Variants in ADAMTSL3 observed in about 807,000 individuals in gnomAD.
ADAMTSL3 encodes the protein ADAMTS like 3, also known as ADAMTS-like protein 3.
A neutral mutation model predicts 201.7 loss-of-function variants in ADAMTSL3; 128 were observed. The ratio of observed to expected loss-of-function variants is 0.63; its 90% CI spans 0.55 to 0.73. The LOEUF (loss-of-function observed/expected upper bound fraction) is 0.73, where lower values mean the gene tolerates loss of function less well. Among genes scored for constraint, ADAMTSL3 ranks in the 30% least tolerant of loss-of-function variants. The pLI is 0.00. For missense variants in ADAMTSL3, 1,990 were observed against 2,119.6 expected (o/e 0.94, Z 1.20); for synonymous variants, 738 against 748.4 (o/e 0.99, Z 0.23).
At chr15:83,799,131 C>T (rs2063479084) in intron 4 of ADAMTSL3, among the ~76,000 whole-genome samples, 2 of 152,204 alleles carry the variant, frequency 1.3e-5, no homozygotes, top group East Asian at 1.9e-4. Flanking sequence ...CTTATTAAGT[C>T]TTCATAAATA....
chr15:83,858,353 T>C (rs2064784455), intron 7 of ADAMTSL3, among the ~76,000 whole-genome samples: 1 of 152,302 alleles, frequency 6.6e-6, no homozygotes, highest in Non-Finnish European at 1.5e-5. Flanking sequence ...GCTTTACACA[T>C]AGTTTGTGAT....
At chr15:83,963,033 A>T (rs1335217466) in intron 19 of ADAMTSL3, among the ~76,000 whole-genome samples, 1 of 152,158 alleles carries the variant, frequency 6.6e-6, no homozygotes, top group Non-Finnish European at 1.5e-5. Context: ...AAACCAGGAG[A>T]TTCCCCCGGG....
At chr15:83,730,414 A>G (rs1232308702) in intron 3 of ADAMTSL3, among the ~76,000 whole-genome samples, 1 of 152,056 alleles carries the variant, frequency 6.6e-6, no homozygotes, top group Non-Finnish European at 1.5e-5. Flanking sequence ...AAAATTCCAA[A>G]CCTGGGATGG....
chr15:84,036,992 G>T lies in ADAMTSL3; in HGVS notation c.4969+5G>T. 6.2e-7 allele frequency: 1 copy of T among 1,613,414 alleles called. No individual in the cohort carries two copies. Among genetic ancestry groups the T allele is most frequent in the Non-Finnish European group, 8.5e-7 (1 of 1,179,678 alleles). On this transcript the variant is annotated splice_donor_5th_base_variant and intron_variant, in intron 29 of 29. Transcript: ENST00000286744. ...GTCTTGGGCCCTCCTGTGATAGTAC[G>T]TACACCTCCCAGGTATCTCCACTGC...
intron 3 of ADAMTSL3, among the ~76,000 whole-genome samples, chr15:83,729,722 G>T (rs1484522320): frequency 6.6e-6 from 1 of 152,082 alleles, no homozygotes; most frequent in Admixed American, 6.6e-5. Context: ...TGTTTGAAAG[G>T]TCACATATCT....
Position 83,819,828 on chromosome 15 carries a change from A to G in ADAMTSL3, c.381A>G (p.Ala127=). 1 of 1,613,744 alleles carries G rather than the reference A, an allele frequency of 6.2e-7. No homozygotes were observed. Among genetic ancestry groups the G allele is most frequent in the Non-Finnish European group, 8.5e-7 (1 of 1,179,884 alleles). The change falls in exon 6 of 30, where the codon GCA becomes GCG. Residue 127 remains alanine, a synonymous_variant. Coordinates refer to ENST00000286744, the MANE Select transcript of ADAMTSL3 (RefSeq NM_207517.3). ...GCCCCCAGGACTGCCCTCCAGATGC[A>G]GAAGATTTCAGAGCCCAGCAGTGCT... The part of the protein sequence containing the change: ...TCSNHDCPPD[A]EDFRAQQCSA...
intron 9 of ADAMTSL3, among the ~76,000 whole-genome samples, chr15:83,880,462 A>G (rs1186639782): frequency 6.6e-6 from 1 of 152,194 alleles, no homozygotes; most frequent in Admixed American, 6.5e-5. Flanking sequence ...TACTAGCAGA[A>G]TTGAATAGTT....
chr15:83,756,060 C>G (rs1310835979), intron 3 of ADAMTSL3, among the ~76,000 whole-genome samples: 1 of 152,144 alleles, frequency 6.6e-6, no homozygotes. Context: ...TGCATCTGGC[C>G]CCCTGCTTTC....
intron 3 of ADAMTSL3, among the ~76,000 whole-genome samples, chr15:83,706,770 G>GC (rs1258969998): frequency 4.9e-5 from 4 of 82,004 alleles, no homozygotes; most frequent in African/African-American, 2.0e-4. Context: ...CTCAGCCCCC[G>GC]CCCCCCACCC....
chr15:83,742,627 GAATAAAAGATAAA>G (rs2062475232), intron 3 of ADAMTSL3, among the ~76,000 whole-genome samples: 1 of 152,140 alleles, frequency 6.6e-6, no homozygotes, highest in Non-Finnish European at 1.5e-5. Flanking sequence ...TAACCAAGTG[GAATAAAAGATAAA>G]AATAATAAAG....
At position 84,031,394 on chromosome 15, in the gene ADAMTSL3, A is replaced by T. The variant is rs531361881; in HGVS notation, c.4716A>T (p.Gln1572His). Residue 1572 changes from glutamine (Q) to histidine (H), a missense_variant, in exon 28 of 30, where the codon CAA becomes CAT. Transcript: ENST00000286744. ...TGCAGCAGCGTCACACAGCTTGTCA[A>T]CACAACAGCTCTGACTCCAACTGTG... ...VRMQQRHTAC[Q>H]HNSSDSNCDD... 15 of 1,614,106 alleles carry T rather than the reference A, an allele frequency of 9.3e-6. No homozygotes were observed. Among genetic ancestry groups the T allele is most frequent in the African/African-American group, 2.7e-5 (2 of 75,050 alleles).
At chr15:83,689,911 G>A (rs768773050) in intron 2 of ADAMTSL3, among the ~76,000 whole-genome samples, 1 of 152,028 alleles carries the variant, frequency 6.6e-6, no homozygotes, top group Non-Finnish European at 1.5e-5. Flanking sequence ...AAACCTTGTG[G>A]TTGTATTGTT....
At chr15:83,847,250 T>C (rs556524353) in intron 7 of ADAMTSL3, among the ~76,000 whole-genome samples, 1 of 152,344 alleles carries the variant, frequency 6.6e-6, no homozygotes. Flanking sequence ...GTTAATTTCC[T>C]ACATTTGCTT....
rs545846755 is a variant in ADAMTSL3, at chr15:83,807,550, A to C, written c.363+2855A>C. ...TTCATATTGTTAAAATGTCCTTACT[A>C]TCCAAAGTGATATACAGATTTAATA... On this transcript the variant is annotated intron_variant, in intron 5 of 29. Transcript: ENST00000286744. Among the ~76,000 whole-genome samples the C allele has an allele frequency of 2.0e-5, 3 of 152,330 alleles. No individual in the cohort carries two copies. In the South Asian group the frequency reaches 6.2e-4, roughly 32 times the overall value.
chr15:83,704,126 CG>C (rs1238301161), intron 2 of ADAMTSL3, among the ~76,000 whole-genome samples: 3 of 151,910 alleles, frequency 2.0e-5, no homozygotes, highest in African/African-American at 7.3e-5. Context: ...GCAGAGGTAG[CG>C]GGGAGGGGGA....
chr15:83,926,862 CT>C (rs2066256196), intron 17 of ADAMTSL3, among the ~76,000 whole-genome samples: 1 of 152,200 alleles, frequency 6.6e-6, no homozygotes, highest in South Asian at 2.1e-4. Flanking sequence ...GGTGATCCAC[CT>C]GCCTCGGCCT....
At chr15:83,827,884 T>C (rs562838562) in intron 6 of ADAMTSL3, among the ~76,000 whole-genome samples, 1 of 152,338 alleles carries the variant, frequency 6.6e-6, no homozygotes, top group Non-Finnish European at 1.5e-5. Flanking sequence ...TATATCTCTG[T>C]TTTGGTACCA....
intron 13 of ADAMTSL3, among the ~76,000 whole-genome samples, chr15:83,893,100 A>G (rs1242729741): frequency 6.6e-6 from 1 of 152,142 alleles, no homozygotes; most frequent in East Asian, 1.9e-4. Flanking sequence ...TATTAAGGAC[A>G]TTAATAATAA....
chr15:83,788,108 C>CAATAAAAAAATAATAAA, intron 4 of ADAMTSL3, among the ~76,000 whole-genome samples: 1 of 152,136 alleles, frequency 6.6e-6, no homozygotes, highest in Middle Eastern at 3.4e-3. Context: ...AATTACCTTG[C>CAATAAAAAAATAATAAA]TTTTTTATTT....
Sources: gnomAD v4.1 joint callset for allele counts (sites outside exome capture counted in the v4.1 genomes callset) on GRCh38, gnomAD v4.1.1 for gene constraint, MANE v1.5 for transcripts, NCBI Gene and HGNC (gene_info 2026-07-23, HGNC 2026-07-21) for gene names.